The following CXCL2 variants were observed in gnomAD, a reference collection of about 807,000 sequenced individuals.
The protein encoded by CXCL2 is C-X-C motif chemokine 2.
CXCL2 carries 12 observed loss-of-function variants against 11.2 expected under a neutral mutation model. That is an observed-to-expected ratio of 1.08 (90% CI 0.69 to 1.74). The LOEUF (loss-of-function observed/expected upper bound fraction) is 1.74, where lower values mean the gene tolerates loss of function less well. Ranked by LOEUF, CXCL2 falls within the 40% of genes most tolerant of loss-of-function variation. The pLI, the probability that CXCL2 is intolerant of heterozygous loss-of-function variation, is 0.00. For missense variants in CXCL2, 120 were observed against 137.8 expected (o/e 0.87, Z 0.65); for synonymous variants, 68 against 61.9 (o/e 1.10, Z -0.47).
At position 74,098,595 on chromosome 4, in the gene CXCL2, A is replaced by G; in HGVS notation, c.308+6T>C. The G allele has an allele frequency of 6.2e-7, 1 of 1,613,820 alleles. No individual in the cohort carries two copies. The highest frequency in any genetic ancestry group is 8.5e-7 in the Non-Finnish European group (1 of 1,179,740). Reference sequence around the variant, plus strand: ...GTCGCCTGTGTACATGGAAATTATAACTTACTTTTTCAGCATCTTTTCGAT... The same window carrying G: ...GTCGCCTGTGTACATGGAAATTATAGCTTACTTTTTCAGCATCTTTTCGAT... On this transcript the variant is annotated splice_donor_region_variant and intron_variant, in intron 3 of 3. Coordinates refer to ENST00000508487, the MANE Select transcript of CXCL2 (RefSeq NM_002089.4).
rs777667311 is a variant in CXCL2, at chr4:74,098,659, C to G, written c.250G>C (p.Ala84Pro). Residue 84 changes from alanine (A) to proline (P), a missense_variant, in exon 3 of 4, where the codon GCT (alanine) becomes CCT (proline). Transcript: ENST00000508487. ...ATGGGCGATGCGGGGTTGAGACAAG[C>G]TTTCTGCCCATTCTTGAGTGTGGCT... ...VIATLKNGQK[A>P]CLNPASPMVK... is the part of the protein sequence containing the mutation. The G allele has an allele frequency of 6.2e-7, 1 of 1,614,130 alleles. No individual in the cohort carries two copies. Among genetic ancestry groups the G allele is most frequent in the South Asian group, 1.1e-5 (1 of 91,062 alleles).
rs775126279 is a variant in CXCL2 at position 74,098,826 on chromosome 4, C to A, written c.197G>T (p.Gly66Val). 1 of 1,613,996 alleles carries A rather than the reference C, an allele frequency of 6.2e-7. No homozygotes were observed. Among genetic ancestry groups the A allele is most frequent in the African/African-American group, 1.3e-5 (1 of 74,912 alleles). ...GACTTCGGTTTGGGCGCAGTGGGGT[C>A]CGGGGGACTTCACCTTCACACTTTG... ...NIQSVKVKSP[G>V]PHCAQTEVIA... is the part of the protein sequence containing the mutation. The change falls in exon 2 of 4, where the codon GGA (glycine) becomes GTA (valine). Residue 66 changes from glycine to valine, a missense_variant. Gly to Val is a moderately radical substitution (Grantham distance 109). Transcript: ENST00000508487.
At chr4:74,098,004 G>A (rs897329419) in intron 3 of CXCL2, among the ~76,000 whole-genome samples, 4 of 152,146 alleles carry the variant, frequency 2.6e-5, no homozygotes, top group African/African-American at 9.7e-5. Context: ...AGTCTACACT[G>A]TTTTACTGGC....
intron 3 of CXCL2, 69 bp from the exon 4 acceptor site, chr4:74,097,840 T>C: frequency 6.8e-7 from 1 of 1,469,908 alleles, no homozygotes; most frequent in Non-Finnish European, 9.1e-7. Context: ...TCTTCTCCTG[T>C]CCTGTTTCCC....
Position 74,099,026 on chromosome 4 carries a change from G to C in CXCL2, c.95C>G (p.Ala32Gly). 6.8e-7 allele frequency: 1 copy of C among 1,477,536 alleles called. No individual in the cohort carries two copies. Among genetic ancestry groups the C allele is most frequent in the Non-Finnish European group, 8.9e-7 (1 of 1,117,622 alleles). 91.5% of individuals were successfully genotyped at this position (1,477,536 alleles called of 1,614,324 possible). Residue 32 changes from alanine to glycine, a missense_variant, in exon 1 of 4, where the codon GCA becomes GGA. Physicochemically the swap from Ala to Gly is moderately conservative, Grantham distance 60. Transcript: ENST00000508487. ...LLLLVAASRR[A>G]AGAPLATELR... Reference sequence around the variant, plus strand: ...CCCAGGGCGCCGGGACCCACCTGCTGCGCGCCGGCTGGCGGCCACCAGGAG... The same window carrying C: ...CCCAGGGCGCCGGGACCCACCTGCTCCGCGCCGGCTGGCGGCCACCAGGAG...
Position 74,098,922 on chromosome 4 carries a change from C to A in CXCL2, c.101G>T (p.Gly34Val), listed in dbSNP as rs200992030. ...GCGCAGTTCAGTGGCCAGGGGCGCT[C>A]CTAGGGAAGAAGAGACTCGCTGATT... Reference protein sequence around the residue: ...LLVAASRRAAGAPLATELRCQ... With the variant: ...LLVAASRRAAVAPLATELRCQ... The change falls in exon 2 of 4, where the codon GGA (glycine) becomes GTA (valine). Residue 34 changes from glycine (G) to valine (V), a missense_variant and splice_region_variant. Coordinates refer to ENST00000508487, the MANE Select transcript of CXCL2 (RefSeq NM_002089.4). The A allele has an allele frequency of 1.2e-6, 2 of 1,613,106 alleles. No homozygotes were observed. Among genetic ancestry groups the A allele is most frequent in the Non-Finnish European group, 1.7e-6 (2 of 1,179,674 alleles).
At chr4:74,098,139 G>T (rs1721320649) in intron 3 of CXCL2, among the ~76,000 whole-genome samples, 1 of 152,152 alleles carries the variant, frequency 6.6e-6, no homozygotes, top group African/African-American at 2.4e-5. Flanking sequence ...AAATAATATT[G>T]TCTCTGAGTG....
Position 74,097,097 on chromosome 4 carries a change from C to T in CXCL2, c.*659G>A, listed in dbSNP as rs201736381. 4 of 152,172 alleles carry T rather than the reference C, an allele frequency of 2.6e-5. No homozygotes were observed. The highest frequency in any genetic ancestry group is 4.4e-5 in the Non-Finnish European group (3 of 68,032). The allele number at this position is 152,172 out of a possible 1,614,324, so 9.4% of individuals were successfully genotyped here. On this transcript the variant is annotated 3_prime_UTR_variant, in exon 4 of 4. Coordinates refer to ENST00000508487, the MANE Select transcript of CXCL2 (RefSeq NM_002089.4). ...TGAAAACATCAATAAATATCGAAAC[C>T]TCTCTGCTCTAACACAGAGGGAAAC...
At chr4:74,098,960 C>G (rs1045781617) in intron 1 of CXCL2, 38 bp from the exon 2 acceptor site, 2 of 1,596,058 alleles carry the variant, frequency 1.3e-6, no homozygotes, top group Non-Finnish European at 1.7e-6. Flanking sequence ...GCGGGGCTGT[C>G]GGCGCGGGGC....
chr4:74,098,685 C>T lies in CXCL2; in HGVS notation c.225-1G>A, dbSNP rs1425919021. On this transcript the variant is annotated splice_acceptor_variant, in intron 2 of 3. Transcript: ENST00000508487. LOFTEE classifies it high-confidence loss of function. ...TTTCTGCCCATTCTTGAGTGTGGCT[C>T]TGCAGAGAGAAGGGAATCTCGTGAG... is the stretch of plus-strand genomic sequence containing the variant. The T allele has an allele frequency of 1.2e-6, 2 of 1,614,162 alleles. No individual in the cohort carries two copies. The highest frequency in any genetic ancestry group is 1.1e-5 in the South Asian group (1 of 91,066).
rs767011385 is a variant in CXCL2, at chr4:74,097,778, T to C, written c.309-7A>G. 4 of 1,599,974 alleles carry C rather than the reference T, an allele frequency of 2.5e-6. No individual in the cohort carries two copies. In the South Asian group the frequency reaches 4.5e-5, roughly 18 times the overall value. On this transcript the variant is annotated splice_polypyrimidine_tract_variant and splice_region_variant and intron_variant, in intron 3 of 3. Coordinates refer to ENST00000508487, the MANE Select transcript of CXCL2 (RefSeq NM_002089.4). The stretch of plus-strand genomic sequence containing the variant: ...TGGTCAGTTGGATTTGCCACTGTAA[T>C]GAGAAAATGGGTGCCCTGAGTAGGT...
At position 74,098,621 on chromosome 4, in the gene CXCL2, G is replaced by T; in HGVS notation, c.288C>A (p.Ile96=). Residue 96 remains isoleucine (I), a synonymous_variant, in exon 3 of 4, where the codon ATC becomes ATA. Coordinates refer to ENST00000508487, the MANE Select transcript of CXCL2 (RefSeq NM_002089.4). The stretch of plus-strand genomic sequence containing the variant: ...CTTACTTTTTCAGCATCTTTTCGAT[G>T]ATTTTCTTAACCATGGGCGATGCGG... ...LNPASPMVKK[I]IEKMLKNGKS... The T allele has an allele frequency of 6.2e-7, 1 of 1,614,108 alleles. No homozygotes were observed. Among genetic ancestry groups the T allele is most frequent in the African/African-American group, 1.3e-5 (1 of 75,036 alleles).
chr4:74,098,503 C>G, intron 3 of CXCL2, 98 bp downstream of exon 3: 1 of 1,278,640 alleles, frequency 7.8e-7, no homozygotes. Flanking sequence ...AGTCCTGCAG[C>G]TAACCCTGGG....
rs1398731653 is a variant in CXCL2, at chr4:74,098,921, T to TC, written c.101dup (p.Ala35SerfsTer6). On this transcript the variant is annotated frameshift_variant and splice_region_variant, in exon 2 of 4. Transcript: ENST00000508487. LOFTEE classifies it high-confidence loss of function. ...AGCGCAGTTCAGTGGCCAGGGGCGC[T>TC]CCTAGGGAAGAAGAGACTCGCTGAT... is the stretch of plus-strand genomic sequence containing the variant. 1 of 1,612,934 alleles carries TC rather than the reference T, an allele frequency of 6.2e-7. No individual in the cohort carries two copies. The highest frequency in any genetic ancestry group is 1.3e-5 in the African/African-American group (1 of 74,850).
At position 74,099,130 on chromosome 4, in the gene CXCL2, C is replaced by G. The variant is rs1403975975; in HGVS notation, c.-10G>C. ...GCGTGGCGCGGGCCATGGGGCTCAG[C>G]AGGCGGTTCGAGCGGCTGTGCGAGG... On this transcript the variant is annotated 5_prime_UTR_variant, in exon 1 of 4. Transcript: ENST00000508487. The G allele has an allele frequency of 6.7e-7, 1 of 1,484,612 alleles. No homozygotes were observed. Among genetic ancestry groups the G allele is most frequent in the East Asian group, 3.0e-5 (1 of 33,680 alleles). 92.0% of individuals were successfully genotyped at this position (1,484,612 alleles called of 1,614,324 possible).
intron 3 of CXCL2, 89 bp downstream of exon 3, chr4:74,098,512 G>T: frequency 7.3e-7 from 1 of 1,366,868 alleles, no homozygotes; most frequent in Non-Finnish European, 1.0e-6. Context: ...GCTAACCCTG[G>T]GTTTTCCTGA....
intron 3 of CXCL2, 173 bp downstream of exon 3, chr4:74,098,428 T>G: frequency 1.5e-6 from 1 of 685,594 alleles, no homozygotes; most frequent in South Asian, 2.0e-5. Context: ...GCACTGGGAA[T>G]ATCCTCTGGC....
chr4:74,098,995 G>A (rs752933462), intron 1 of CXCL2, 26 bp downstream of exon 1: 1 of 1,553,804 alleles, frequency 6.4e-7, no homozygotes, highest in Admixed American at 2.1e-5. Flanking sequence ...CGTCCGGCCC[G>A]GGGACCCCAG....
In CXCL2 at chr4:74,097,657, G is replaced by C. The variant is rs199812891; in HGVS notation, c.*99C>G. On this transcript the variant is annotated 3_prime_UTR_variant, in exon 4 of 4. Coordinates refer to ENST00000508487, the MANE Select transcript of CXCL2 (RefSeq NM_002089.4). ...GCTCAAACACATTAGGCGCAATCCA[G>C]GTGGCCTCTGCAGCTGTGTCTCTCT... The C allele has an allele frequency of 6.3e-5, 76 of 1,209,932 alleles. No homozygotes were observed. In the African/African-American group the frequency reaches 1.0e-3, roughly 16 times the overall value. The allele number at this position is 1,209,932 out of a possible 1,614,324, so 74.9% of individuals were successfully genotyped here.
Sources: gnomAD v4.1 joint callset for allele counts (sites outside exome capture counted in the v4.1 genomes callset) on GRCh38, gnomAD v4.1.1 for gene constraint, MANE v1.5 for transcripts, NCBI Gene and HGNC (gene_info 2026-07-23, HGNC 2026-07-21) for gene names.